Variants in MID1 observed in about 807,000 individuals in gnomAD.
The protein encoded by MID1 is midline 1.
MID1 carries 7 observed loss-of-function variants against 40.4 expected under a neutral mutation model. The observed-to-expected ratio is 0.17, with a 90% CI of 0.10 to 0.33. MID1 has a LOEUF of 0.33. Among genes scored for constraint, MID1 ranks in the 10% least tolerant of loss-of-function variants. The probability of loss-of-function intolerance (pLI) is 1.00; values close to 1 mark genes in which losing one functional copy is unlikely to be tolerated. For missense variants in MID1, 367 were observed against 558.5 expected, an observed-to-expected ratio of 0.66 and a Z score of 3.46; for synonymous variants, 229 against 221.2, an observed-to-expected ratio of 1.04 and a Z score of -0.31.
chrX:10,557,972 C>G (rs1253588126), intron 2 of MID1, among the ~76,000 whole-genome samples: 6 of 110,458 alleles, frequency 5.4e-5, no homozygotes, highest in African/African-American at 2.0e-4. Flanking sequence ...GTCTCTTCCC[C>G]CTTTTATTTC....
chrX:10,499,312 G>T (rs1324069614), intron 3 of MID1, among the ~76,000 whole-genome samples: 2 of 111,435 alleles, frequency 1.8e-5, no homozygotes, highest in Non-Finnish European at 3.8e-5. Context: ...TTAATTAATA[G>T]AATGTATTAT....
intron 2 of MID1, among the ~76,000 whole-genome samples, chrX:10,552,425 C>T (rs1352212993): frequency 2.7e-5 from 3 of 110,781 alleles, no homozygotes; most frequent in African/African-American, 9.8e-5. Flanking sequence ...TCCATGGATG[C>T]TCAACTCTCT....
At chrX:10,469,029 G>T (rs1054665837) in intron 7 of MID1, among the ~76,000 whole-genome samples, 1 of 111,587 alleles carries the variant, frequency 9.0e-6, no homozygotes, top group Non-Finnish European at 1.9e-5. Flanking sequence ...CTTTCCAGTG[G>T]TGCCACTTGC....
intron 1 of MID1, among the ~76,000 whole-genome samples, chrX:10,648,706 T>A (rs941017577): frequency 9.0e-6 from 1 of 111,725 alleles, no homozygotes; most frequent in African/African-American, 3.3e-5. Flanking sequence ...ATTTTGTTTT[T>A]CTTCCTGGGC....
At chrX:10,628,738 T>C (rs1936021494) in intron 1 of MID1, among the ~76,000 whole-genome samples, 1 of 111,673 alleles carries the variant, frequency 9.0e-6, no homozygotes. Context: ...TACGAGTACC[T>C]ACATTACAGA....
At chrX:10,604,050 T>C (rs1163724158) in intron 1 of MID1, among the ~76,000 whole-genome samples, 1 of 111,782 alleles carries the variant, frequency 8.9e-6, no homozygotes, top group East Asian at 2.8e-4. Context: ...AACGGTAACA[T>C]ACTTTTTAAA....
chrX:10,520,721 T>C (rs1423077979), intron 3 of MID1, among the ~76,000 whole-genome samples: 1 of 111,778 alleles, frequency 8.9e-6, no homozygotes, highest in African/African-American at 3.3e-5. Flanking sequence ...AGAGTCATCA[T>C]GCAAATTCAT....
intron 2 of MID1, among the ~76,000 whole-genome samples, chrX:10,555,028 A>G (rs1934065260): frequency 8.9e-6 from 1 of 112,076 alleles, no homozygotes; most frequent in African/African-American, 3.2e-5. Context: ...GTTTGCTCCC[A>G]TAATATCTTC....
intron 1 of MID1, among the ~76,000 whole-genome samples, chrX:10,823,044 T>C (rs780695236): frequency 3.5e-4 from 39 of 111,825 alleles, no homozygotes; most frequent in Non-Finnish European, 6.2e-4. Context: ...GCAGCACTAT[T>C]CACAATAGCA....
At chrX:10,701,981 A>G (rs1046695028) in intron 1 of MID1, among the ~76,000 whole-genome samples, 1 of 112,757 alleles carries the variant, frequency 8.9e-6, no homozygotes, top group African/African-American at 3.2e-5. Context: ...TTAAAAATGA[A>G]AGGTGTAAAG....
At chrX:10,464,411 AT>A (rs149858140) in intron 7 of MID1, among the ~76,000 whole-genome samples, 1,144 of 112,056 alleles carry the variant, frequency 0.01, 12 homozygotes, top group African/African-American at 0.036. Flanking sequence ...CATTTTGGGG[AT>A]GAGGTGAAGC....
At chrX:10,523,679 A>G (rs1337973774) in intron 2 of MID1, among the ~76,000 whole-genome samples, 1 of 111,761 alleles carries the variant, frequency 8.9e-6, no homozygotes, top group East Asian at 2.8e-4. Context: ...GACATTTATG[A>G]TAAGTCCTCA....
intron 7 of MID1, among the ~76,000 whole-genome samples, chrX:10,460,893 C>T (rs969632414): frequency 2.7e-5 from 3 of 110,977 alleles, no homozygotes; most frequent in Non-Finnish European, 3.8e-5. Flanking sequence ...ACACACCAAA[C>T]CACAAATATA....
At chrX:10,606,912 T>G (rs1273702042) in intron 1 of MID1, among the ~76,000 whole-genome samples, 3 of 110,634 alleles carry the variant, frequency 2.7e-5, no homozygotes, top group Middle Eastern at 4.7e-3. Flanking sequence ...TTTATTTGTT[T>G]TGTAGAGATG....
chrX:10,454,526 A>G, intron 9 of MID1, among the ~76,000 whole-genome samples: 1 of 112,280 alleles, frequency 8.9e-6, no homozygotes, highest in Non-Finnish European at 1.9e-5. Flanking sequence ...CTTTATTTAC[A>G]AAACCAGGTA....
At chrX:10,582,569 C>A (rs1935043450) in intron 1 of MID1, among the ~76,000 whole-genome samples, 1 of 111,942 alleles carries the variant, frequency 8.9e-6, no homozygotes, top group South Asian at 3.7e-4. Context: ...TCATAGAAGA[C>A]TAGAGGTAAA....
At position 10,719,977 on chromosome X, in the gene MID1, G is replaced by A. The variant is rs181263783; in HGVS notation, c.-186-99558C>T. On this transcript the variant is annotated intron_variant, in intron 1 of 10. Coordinates refer to the MID1 transcript ENST00000380785. Reference sequence around the variant, plus strand: ...ATTCCCTATTTAATAAATGGTGCTGGGAAAACTGGCTAGTCATATGTAGAA... The same window carrying A: ...ATTCCCTATTTAATAAATGGTGCTGAGAAAACTGGCTAGTCATATGTAGAA... Among the ~76,000 whole-genome samples the A allele has an allele frequency of 2.0e-4, 22 of 111,699 alleles. No individual in the cohort carries two copies. In the East Asian group the frequency reaches 6.1e-3, roughly 31 times the overall value.
intron 3 of MID1, among the ~76,000 whole-genome samples, chrX:10,510,697 T>G (rs1006418410): frequency 9.3e-6 from 1 of 107,128 alleles, no homozygotes. Context: ...CTGGGCATGG[T>G]GGTGCACACT....
At chrX:10,797,386 C>A (rs995143763) in intron 1 of MID1, among the ~76,000 whole-genome samples, 5 of 111,778 alleles carry the variant, frequency 4.5e-5, no homozygotes, top group African/African-American at 6.5e-5. Context: ...GTGTTGATAT[C>A]ACCTCCGTTT....
Sources: gnomAD v4.1 joint callset for allele counts (sites outside exome capture counted in the v4.1 genomes callset) on GRCh38, gnomAD v4.1.1 for gene constraint, MANE v1.5 for transcripts, NCBI Gene and HGNC (gene_info 2026-07-23, HGNC 2026-07-21) for gene names.